Variants in GRM5 observed in about 807,000 individuals in gnomAD.
GRM5 encodes metabotropic glutamate receptor 5.
Under a neutral mutation model 83.1 loss-of-function variants are expected in GRM5, and 19 were observed. That is an observed-to-expected ratio of 0.23 (90% CI 0.16 to 0.34). The LOEUF is 0.34. Ranked by LOEUF, GRM5 falls within the 10% of genes least tolerant of loss-of-function variation. GRM5 has a pLI of 1.00. For missense variants in GRM5, 1,160 were observed against 1,588.3 expected (o/e 0.73, Z 4.58); for synonymous variants, 675 against 633.6 (o/e 1.07, Z -0.98).
intron 3 of GRM5, among the ~76,000 whole-genome samples, chr11:88,820,194 C>A (rs146227785): frequency 1.3e-5 from 2 of 150,020 alleles, no homozygotes; most frequent in Non-Finnish European, 3.0e-5. Context: ...TTCTGGGTAA[C>A]ACAGTGAAAC....
At chr11:88,957,419 T>TA (rs1360292739) in intron 2 of GRM5, among the ~76,000 whole-genome samples, 1 of 152,164 alleles carries the variant, frequency 6.6e-6, no homozygotes, top group Non-Finnish European at 1.5e-5. Flanking sequence ...GCTGAAGCAT[T>TA]AAGTGAGAAA....
At chr11:88,768,235 T>C (rs186701081) in intron 3 of GRM5, among the ~76,000 whole-genome samples, 51 of 152,114 alleles carry the variant, frequency 3.4e-4, no homozygotes, top group African/African-American at 1.1e-3. Context: ...AAACATAATA[T>C]ATGCATACAA....
At chr11:88,522,465 T>TG (rs1941720833) in intron 9 of GRM5, among the ~76,000 whole-genome samples, 1 of 152,124 alleles carries the variant, frequency 6.6e-6, no homozygotes, top group Non-Finnish European at 1.5e-5. Flanking sequence ...AATGTGAAGT[T>TG]GGAAAAAAAG....
chr11:88,902,824 G>T (rs369955787), intron 2 of GRM5, among the ~76,000 whole-genome samples: 1 of 151,680 alleles, frequency 6.6e-6, no homozygotes, highest in African/African-American at 2.4e-5. Context: ...GGTGGTATGC[G>T]CCTGTGGTAC....
chr11:88,769,535 G>A (rs1204396636), intron 3 of GRM5, among the ~76,000 whole-genome samples: 1 of 151,948 alleles, frequency 6.6e-6, no homozygotes, highest in Admixed American at 6.6e-5. Context: ...TATAAAAGAT[G>A]AGCCTGGAGC....
At chr11:88,536,801 C>T (rs566567361) in intron 8 of GRM5, among the ~76,000 whole-genome samples, 2 of 152,248 alleles carry the variant, frequency 1.3e-5, no homozygotes, top group Admixed American at 1.3e-4. Context: ...TTGCCACATT[C>T]CTTTTGGGAC....
chr11:88,795,298 C>G (rs1943256386), intron 3 of GRM5, among the ~76,000 whole-genome samples: 1 of 152,198 alleles, frequency 6.6e-6, no homozygotes, highest in African/African-American at 2.4e-5. Flanking sequence ...GTTTCAGATT[C>G]ACAGCCCAGT....
intron 2 of GRM5, among the ~76,000 whole-genome samples, chr11:88,876,054 C>A (rs1332316008): frequency 6.6e-6 from 1 of 152,066 alleles, no homozygotes; most frequent in Non-Finnish European, 1.5e-5. Context: ...TTGAAGCAGG[C>A]ACTCACCTCT....
chr11:88,982,462 ATTATT>A (rs1294950493), intron 2 of GRM5, among the ~76,000 whole-genome samples: 5 of 152,152 alleles, frequency 3.3e-5, no homozygotes, highest in Non-Finnish European at 5.9e-5. Flanking sequence ...TCATTGCCAA[ATTATT>A]TTATCTGTAA....
chr11:88,528,019 A>G (rs1469123163), intron 8 of GRM5, among the ~76,000 whole-genome samples: 2 of 152,152 alleles, frequency 1.3e-5, no homozygotes, highest in East Asian at 3.9e-4. Context: ...TAATCTGCAT[A>G]TTATACCCCT....
intron 2 of GRM5, chr11:88,925,965 C>T: frequency 3.4e-6 from 1 of 296,850 alleles, no homozygotes; most frequent in Non-Finnish European, 6.7e-6. Flanking sequence ...AAAACTTTCC[C>T]TTTTACTATA....
chr11:88,946,374 C>A (rs1014999082), intron 2 of GRM5, among the ~76,000 whole-genome samples: 1 of 152,088 alleles, frequency 6.6e-6, no homozygotes, highest in Non-Finnish European at 1.5e-5. Context: ...CTAGCCCTCC[C>A]ATTACTAGGT....
chr11:88,603,247 C>A (rs2135229360), intron 5 of GRM5, among the ~76,000 whole-genome samples: 1 of 152,292 alleles, frequency 6.6e-6, no homozygotes, highest in Non-Finnish European at 1.5e-5. Context: ...AGAGCTGGAC[C>A]TTCTGAGGCA....
At chr11:88,899,236 A>G (rs916179490) in intron 2 of GRM5, among the ~76,000 whole-genome samples, 18 of 151,904 alleles carry the variant, frequency 1.2e-4, no homozygotes, top group Admixed American at 6.6e-5. Context: ...AGCAACATGA[A>G]CATTCCATCA....
In GRM5 at chr11:88,508,619, A is replaced by C. The variant is rs777993798; in HGVS notation, c.3612T>G (p.Asp1204Glu). ...ACAACGACGAGGAGCTCTGAGTGTA[A>C]TCTCTTATGATAAGAGTGTCATATT... ...SPKYDTLIIR[D>E]YTQSSSSL Residue 1204 changes from aspartate to glutamate, a missense_variant, in exon 10 of 10, where the codon GAT becomes GAG. Asp to Glu is a conservative substitution (Grantham distance 45). Transcript: ENST00000305447. This position sits in a 1 kb window ranked among gnomAD's most constrained non-coding sequence, Gnocchi z 4.2. 7 of 1,609,718 alleles carry C rather than the reference A, an allele frequency of 4.3e-6. No homozygotes were observed. The South Asian group carries it at 7.7e-5, about 18-fold the overall frequency.
intron 8 of GRM5, among the ~76,000 whole-genome samples, chr11:88,531,698 C>G (rs929421954): frequency 1.3e-5 from 2 of 152,072 alleles, no homozygotes; most frequent in African/African-American, 4.8e-5. Flanking sequence ...GGGGAAAAAA[C>G]ACAAACACAG....
At position 88,653,328 on chromosome 11, in the gene GRM5, G is replaced by C. The variant is rs375606787; in HGVS notation, c.987C>G (p.Leu329=). ...CAAACCACTTGACATCGGGAGATTG[G>C]AGCTTGATTGTGATGCCACCAACAG... ...REAVGGITIK[L]QSPDVKWFDD... Residue 329 remains leucine, a synonymous_variant, in exon 4 of 10, where the codon CTC becomes CTG. Coordinates refer to ENST00000305447, the MANE Select transcript of GRM5 (RefSeq NM_001143831.3). The C allele has an allele frequency of 3.1e-6, 5 of 1,612,912 alleles. No individual in the cohort carries two copies. The highest frequency in any genetic ancestry group is 4.2e-6 in the Non-Finnish European group (5 of 1,179,312).
chr11:88,513,813 A>T (rs1211509306), intron 9 of GRM5, among the ~76,000 whole-genome samples: 1 of 152,236 alleles, frequency 6.6e-6, no homozygotes, highest in Non-Finnish European at 1.5e-5. Context: ...AAACAAAAGG[A>T]TAATACATAT....
chr11:88,899,055 A>G (rs1195187088), intron 2 of GRM5, among the ~76,000 whole-genome samples: 2 of 151,850 alleles, frequency 1.3e-5, no homozygotes, highest in Admixed American at 1.3e-4. Context: ...CATTCTCATT[A>G]TTGTTACTTG....
Sources: allele counts gnomAD v4.1 joint callset (sites outside exome capture counted in the v4.1 genomes callset), GRCh38; gene constraint gnomAD v4.1.1; non-coding constraint Gnocchi (gnomAD v3.1); transcripts MANE v1.5; gene names NCBI Gene and HGNC (gene_info 2026-07-23, HGNC 2026-07-21).